Variants in NPAS2 observed in about 807,000 individuals in gnomAD.
NPAS2 encodes the protein neuronal PAS domain-containing protein 2.
In NPAS2, 23 loss-of-function variants were observed where a neutral mutation model predicts 107.5. That is an observed-to-expected ratio of 0.21 (90% CI 0.15 to 0.30). The LOEUF (loss-of-function observed/expected upper bound fraction) is 0.30. Ranked by LOEUF, NPAS2 falls within the 10% of genes least tolerant of loss-of-function variation. NPAS2 has a pLI of 1.00. For missense variants in NPAS2, 756 were observed against 1,043.3 expected, an observed-to-expected ratio of 0.72 and a Z score of 3.79; for synonymous variants, 403 against 417.5, an observed-to-expected ratio of 0.97 and a Z score of 0.42.
At chr2:100,930,400 A>C (rs1683858642) in intron 3 of NPAS2, among the ~76,000 whole-genome samples, 2 of 152,196 alleles carry the variant, frequency 1.3e-5, no homozygotes, top group Admixed American at 6.6e-5. Context: ...TATTATTCAG[A>C]TATACCAGGA....
chr2:100,929,095 G>T (rs952892497), intron 3 of NPAS2, among the ~76,000 whole-genome samples: 2 of 152,218 alleles, frequency 1.3e-5, no homozygotes, highest in Non-Finnish European at 1.5e-5. Context: ...AGTGAAGACG[G>T]GGTTTTGCCA....
At chr2:100,971,114 C>T (rs1676521259) in intron 12 of NPAS2, 40 bp downstream of exon 12, 7 of 1,589,834 alleles carry the variant, frequency 4.4e-6, no homozygotes, top group Non-Finnish European at 6.0e-6. Context: ...CAAAGGTTGG[C>T]TAGGAAGAAA....
chr2:100,936,726 A>T, intron 4 of NPAS2, among the ~76,000 whole-genome samples: 1 of 152,228 alleles, frequency 6.6e-6, no homozygotes, highest in East Asian at 1.9e-4. Flanking sequence ...CACACCTGTA[A>T]TCCCAGCACT....
chr2:100,862,984 G>A (rs1167144675), intron 1 of NPAS2, among the ~76,000 whole-genome samples: 3 of 152,174 alleles, frequency 2.0e-5, no homozygotes, highest in Non-Finnish European at 2.9e-5. Context: ...AGTAAGCTCT[G>A]CCTTGCTATA....
At chr2:100,881,898 G>A (rs965624021) in intron 1 of NPAS2, among the ~76,000 whole-genome samples, 1 of 152,166 alleles carries the variant, frequency 6.6e-6, no homozygotes, top group Admixed American at 6.5e-5. Flanking sequence ...TCCAGGGCCT[G>A]CTTCAGCTCT....
chr2:100,887,842 C>T (rs1351684570), intron 1 of NPAS2, among the ~76,000 whole-genome samples: 1 of 152,192 alleles, frequency 6.6e-6, no homozygotes, highest in Non-Finnish European at 1.5e-5. Context: ...CGCGAACGGG[C>T]CCTGCATTCG....
chr2:100,882,729 G>A (rs2104645051), intron 1 of NPAS2, among the ~76,000 whole-genome samples: 1 of 152,350 alleles, frequency 6.6e-6, no homozygotes, highest in East Asian at 1.9e-4. Flanking sequence ...CGGCCCACTA[G>A]AGTGGTATGG....
At chr2:100,881,954 G>A (rs13030350) in intron 1 of NPAS2, among the ~76,000 whole-genome samples, 89,891 of 152,112 alleles carry the variant, frequency 0.59, 28,385 homozygotes, top group Non-Finnish European at 0.72. Flanking sequence ...TGCCCTGCCC[G>A]GAGCCCAGGC....
chr2:100,948,276 A>C lies in NPAS2; in HGVS notation c.405A>C (p.Glu135Asp). ...MDQNLLNFLP[E>D]QEHSEVYKIL... ...AGAATTTGTTAAATTTCCTCCCAGA[A>C]CAAGAACATTCAGAAGTTTATAAAA... Residue 135 changes from glutamate to aspartate, a missense_variant, in exon 6 of 21, where the codon GAA becomes GAC. By Grantham distance (45) the Glu-to-Asp change is conservative. This residue lies in a region of NPAS2 where 146 missense variants were observed against 249.6 expected (regional missense o/e 0.58). Coordinates refer to ENST00000335681, the MANE Select transcript of NPAS2 (RefSeq NM_002518.4). 1 of 1,613,586 alleles carries C rather than the reference A, an allele frequency of 6.2e-7. No homozygotes were observed. The highest frequency in any genetic ancestry group is 8.5e-7 in the Non-Finnish European group (1 of 1,179,844).
rs548575875 is a variant in NPAS2, at chr2:100,972,202, C to T, written c.1140+1128C>T. On this transcript the variant is annotated intron_variant, in intron 12 of 20. Transcript: ENST00000335681. Reference sequence around the variant, plus strand: ...ACCTCAAGTGATCCTCCCACCTCAGCTTCTCAAAGTGCTGGGATTACAGGC... The same window carrying T: ...ACCTCAAGTGATCCTCCCACCTCAGTTTCTCAAAGTGCTGGGATTACAGGC... Among the ~76,000 whole-genome samples, 24 of 152,300 alleles carry T rather than the reference C, an allele frequency of 1.6e-4. No individual in the cohort carries two copies. The South Asian group carries it at 5.0e-3, about 32-fold the overall frequency.
chr2:100,935,016 C>T (rs1684209289), intron 4 of NPAS2: 1 of 985,314 alleles, frequency 1.0e-6, no homozygotes, highest in Non-Finnish European at 1.2e-6. Context: ...TCCCTCTTCT[C>T]TCTAAGAGGC....
At chr2:100,930,769 CTTAAG>C (rs921320229) in intron 3 of NPAS2, among the ~76,000 whole-genome samples, 5 of 152,124 alleles carry the variant, frequency 3.3e-5, no homozygotes, top group African/African-American at 9.7e-5. Context: ...CTAAAAATTA[CTTAAG>C]TTAAAGAAAT....
chr2:100,907,411 T>G (rs1180745444), intron 2 of NPAS2, among the ~76,000 whole-genome samples: 2 of 150,560 alleles, frequency 1.3e-5, no homozygotes, highest in Admixed American at 1.3e-4. Flanking sequence ...TCCCTTGTAC[T>G]CAGATGGAAA....
At chr2:100,904,474 A>G (rs1321175242) in intron 1 of NPAS2, among the ~76,000 whole-genome samples, 6 of 151,212 alleles carry the variant, frequency 4.0e-5, no homozygotes, top group Non-Finnish European at 7.4e-5. Flanking sequence ...AAGTTACTTG[A>G]CATCTGATGA....
At chr2:100,843,227 A>AC in intron 1 of NPAS2, among the ~76,000 whole-genome samples, 1 of 151,594 alleles carries the variant, frequency 6.6e-6, no homozygotes, top group South Asian at 2.1e-4. Context: ...CAAAAAAAAA[A>AC]AAAATGCTGG....
chr2:100,952,747 GAATA>G (rs1251060124), intron 7 of NPAS2, among the ~76,000 whole-genome samples: 2 of 150,778 alleles, frequency 1.3e-5, no homozygotes, highest in Admixed American at 1.3e-4. Flanking sequence ...GCTTCATTCT[GAATA>G]CCTGGGACTT....
In NPAS2 at chr2:100,928,389, C is replaced by T. The variant is rs114546861; in HGVS notation, c.181+3095C>T. 5.4e-3 allele frequency among the ~76,000 whole-genome samples: 827 copies of T among 152,124 alleles called. 5 individuals carry two copies. Among genetic ancestry groups the T allele is most frequent in the African/African-American group, 0.019 (777 of 41,494 alleles). On this transcript the variant is annotated intron_variant, in intron 3 of 20. Transcript: ENST00000335681. ...AATTACTCAAACTAGGTCATTGCCA[C>T]CGAGAAGCAGGACAGCTGTTAAATA...
At chr2:100,995,215 T>G in intron 20 of NPAS2, 185 bp from the exon 21 acceptor site, 1 of 511,826 alleles carries the variant, frequency 2.0e-6, no homozygotes, top group Admixed American at 3.5e-5. Context: ...ACCCTAAGGT[T>G]CCCTTAGTCC....
At chr2:100,942,590 A>G (rs1318875060) in intron 5 of NPAS2, among the ~76,000 whole-genome samples, 1 of 152,094 alleles carries the variant, frequency 6.6e-6, no homozygotes, top group Non-Finnish European at 1.5e-5. Context: ...TATGTTCAGT[A>G]TTAAATTGAC....
Sources: allele counts gnomAD v4.1 joint callset (sites outside exome capture counted in the v4.1 genomes callset), GRCh38; gene constraint gnomAD v4.1.1; regional missense constraint gnomAD v4.1.1; transcripts MANE v1.5; gene names NCBI Gene and HGNC (gene_info 2026-07-23, HGNC 2026-07-21).